Variants in BMP8A observed in about 807,000 individuals in gnomAD.
BMP8A encodes the protein bone morphogenetic protein 8a, also known as BMP-8A.
Under a neutral mutation model 36.8 loss-of-function variants are expected in BMP8A, and 14 were observed. The observed-to-expected ratio is 0.38, with a 90% CI of 0.25 to 0.60. The LOEUF is 0.60. Ranked by LOEUF, BMP8A falls within the 20% of genes least tolerant of loss-of-function variation. BMP8A has a pLI of 0.63. For synonymous variants in BMP8A, 120 were observed against 237.7 expected (o/e 0.50, Z 4.55); for missense variants, 267 against 551.1 (o/e 0.48, Z 5.16).
In BMP8A at chr1:39,526,357, C is replaced by CAGAT. The variant is rs1239049733; in HGVS notation, c.*563_*566dup. On this transcript the variant is annotated 3_prime_UTR_variant, in exon 7 of 7. Coordinates refer to ENST00000331593, the MANE Select transcript of BMP8A (RefSeq NM_181809.4). ...ACTGGGGATTTTTTTTTTTTTTTTC[C>CAGAT]AGATAGAGTCTCACTCTGTCACCCA... Among the ~76,000 whole-genome samples the CAGAT allele has an allele frequency of 6.8e-6, 1 of 146,648 alleles. No homozygotes were observed. The highest frequency in any genetic ancestry group is 1.5e-5 in the Non-Finnish European group (1 of 67,024).
intron 1 of BMP8A, among the ~76,000 whole-genome samples, chr1:39,499,081 T>C (rs1362379047): frequency 1.3e-5 from 2 of 152,098 alleles, no homozygotes; most frequent in East Asian, 3.9e-4. Context: ...CCCACATGGC[T>C]CCATCCCGGC....
chr1:39,503,155 A>G (rs1239071779), intron 1 of BMP8A, among the ~76,000 whole-genome samples: 3 of 152,220 alleles, frequency 2.0e-5, no homozygotes, highest in Non-Finnish European at 4.4e-5. Context: ...GAAAATCACT[A>G]TTCCAGCCTG....
chr1:39,515,713 C>T (rs1343408970), intron 3 of BMP8A: 2 of 1,576,166 alleles, frequency 1.3e-6, no homozygotes, highest in African/African-American at 2.7e-5. Flanking sequence ...CAGAAGACAT[C>T]CACGTTCCTA....
rs1645389103 is a variant in BMP8A at position 39,515,605 on chromosome 1, G to A, written c.673+3701G>A. 4.6e-6 allele frequency: 7 copies of A among 1,533,142 alleles called. 1 individual carries two copies. Among genetic ancestry groups the A allele is most frequent in the Non-Finnish European group, 6.2e-6 (7 of 1,120,402 alleles). 95.0% of individuals were successfully genotyped at this position (1,533,142 alleles called of 1,614,324 possible). A position where few individuals can be genotyped will look rare whatever the true frequency, so the allele number is the denominator to read the frequency against. On this transcript the variant is annotated intron_variant, in intron 3 of 6. Coordinates refer to ENST00000331593, the MANE Select transcript of BMP8A (RefSeq NM_181809.4). ...CTGGTGAAAGGGTGGAAGGCCGACC[G>A]GGCAGGAAACGTGGTCTTCAGGAGA...
chr1:39,524,577 G>T lies in BMP8A; in HGVS notation c.1060-1072G>T, dbSNP rs1645463302. Among the ~76,000 whole-genome samples the T allele has an allele frequency of 6.6e-6, 1 of 152,112 alleles. No individual in the cohort carries two copies. The highest frequency in any genetic ancestry group is 6.5e-5 in the Admixed American group (1 of 15,278). On this transcript the variant is annotated intron_variant, in intron 6 of 6. Coordinates refer to ENST00000331593, the MANE Select transcript of BMP8A (RefSeq NM_181809.4). The surrounding 1 kb of genome is among the most constrained non-coding windows in gnomAD (Gnocchi z 4.0). Reference sequence around the variant, plus strand: ...GTTCAGGGCCAGCAGGGAGGAGAGGGGCTGGGTGCAGTGAAGGGGAGGAGA... The same window carrying T: ...GTTCAGGGCCAGCAGGGAGGAGAGGTGCTGGGTGCAGTGAAGGGGAGGAGA...
chr1:39,491,926 G>T lies in BMP8A; in HGVS notation c.-66G>T. 1 of 1,048,920 alleles carries T rather than the reference G, an allele frequency of 9.5e-7. No homozygotes were observed. The allele number at this position is 1,048,920 out of a possible 1,614,324, so 65.0% of individuals were successfully genotyped here. A position where few individuals can be genotyped will look rare whatever the true frequency, so the allele number is the denominator to read the frequency against. On this transcript the variant is annotated 5_prime_UTR_variant, in exon 1 of 7. Transcript: ENST00000331593. ...GAACTCAGCTCCCCGTTCGCCGTCG[G>T]GGCGTCCCCGGGCCCAGGGGCGGCG...
At chr1:39,500,921 T>C (rs1211612587) in intron 1 of BMP8A, among the ~76,000 whole-genome samples, 1 of 152,192 alleles carries the variant, frequency 6.6e-6, no homozygotes, top group Non-Finnish European at 1.5e-5. Flanking sequence ...GCCAAAGTGC[T>C]GGGATTACAG....
At chr1:39,509,036 ACAGAG>A (rs1309690320) in intron 1 of BMP8A, among the ~76,000 whole-genome samples, 1 of 152,198 alleles carries the variant, frequency 6.6e-6, no homozygotes, top group African/African-American at 2.4e-5. Flanking sequence ...GGGCGTCCCC[ACAGAG>A]CTGATGGGTT....
chr1:39,517,487 TG>T (rs1326791165), intron 3 of BMP8A, among the ~76,000 whole-genome samples: 2 of 151,884 alleles, frequency 1.3e-5, no homozygotes, highest in African/African-American at 4.8e-5. Flanking sequence ...AGCTAATTTT[TG>T]TATATATATT....
intron 1 of BMP8A, among the ~76,000 whole-genome samples, chr1:39,510,952 G>T (rs182847445): frequency 6.6e-5 from 10 of 152,300 alleles, no homozygotes; most frequent in Non-Finnish European, 1.2e-4. Context: ...CAGGTGCAGG[G>T]CTCAGGGTGA....
At chr1:39,507,494 A>T (rs184451779) in intron 1 of BMP8A, among the ~76,000 whole-genome samples, 6 of 152,330 alleles carry the variant, frequency 3.9e-5, no homozygotes, top group Admixed American at 2.0e-4. Context: ...TCCCAGCATC[A>T]GACGGAGGTG....
At chr1:39,505,985 C>T (rs75695943) in intron 1 of BMP8A, among the ~76,000 whole-genome samples, 1 of 93,914 alleles carries the variant, frequency 1.1e-5, no homozygotes, top group African/African-American at 4.7e-5. Flanking sequence ...GACCCTGTCT[C>T]CAAAAAAAAA....
intron 1 of BMP8A, among the ~76,000 whole-genome samples, chr1:39,510,969 C>T (rs1420630372): frequency 6.6e-6 from 1 of 152,200 alleles, no homozygotes; most frequent in Non-Finnish European, 1.5e-5. Context: ...GTGAGCCTGG[C>T]TGCAGGGCCT....
At chr1:39,493,004 C>G (rs1162497345) in intron 1 of BMP8A, among the ~76,000 whole-genome samples, 2 of 152,212 alleles carry the variant, frequency 1.3e-5, no homozygotes, top group South Asian at 4.1e-4. Flanking sequence ...CCGGGCTTTT[C>G]CTGTCTGCAA....
At chr1:39,506,597 T>C (rs1177977066) in intron 1 of BMP8A, among the ~76,000 whole-genome samples, 1 of 152,234 alleles carries the variant, frequency 6.6e-6, no homozygotes, top group Non-Finnish European at 1.5e-5. Flanking sequence ...GGGAAGTCTC[T>C]GCACTGTTCA....
rs1645481874 is a variant in BMP8A at position 39,526,208 on chromosome 1, C to A, written c.*410C>A. 6.6e-6 allele frequency among the ~76,000 whole-genome samples: 1 copy of A among 152,174 alleles called. No homozygotes were observed. The highest frequency in any genetic ancestry group is 1.5e-5 in the Non-Finnish European group (1 of 68,032). Reference sequence around the variant, plus strand: ...GCCTCTTCCCAGGTACAACACTGGCCATTTCTGGGCAAAATTGGACACGCT... The same window carrying A: ...GCCTCTTCCCAGGTACAACACTGGCAATTTCTGGGCAAAATTGGACACGCT... On this transcript the variant is annotated 3_prime_UTR_variant, in exon 7 of 7. Coordinates refer to ENST00000331593, the MANE Select transcript of BMP8A (RefSeq NM_181809.4).
In BMP8A at chr1:39,524,018, A is replaced by T. The variant is rs1327434897; in HGVS notation, c.1059+901A>T. 6.5e-6 allele frequency: 1 copy of T among 154,634 alleles called. No homozygotes were observed. The highest frequency in any genetic ancestry group is 6.5e-5 in the Admixed American group (1 of 15,296). The allele number at this position is 154,634 out of a possible 1,614,324, so 9.6% of individuals were successfully genotyped here. A position where few individuals can be genotyped will look rare whatever the true frequency, so the allele number is the denominator to read the frequency against. On this transcript the variant is annotated intron_variant, in intron 6 of 6. Transcript: ENST00000331593. The surrounding 1 kb of genome is among the most constrained non-coding windows in gnomAD (Gnocchi z 4.0). ...CACACACACACACACACGTGCGCACACAATGCCTTGGTGTGAGAGGAAAGA... is the reference window on the plus strand; with the variant it reads ...CACACACACACACACACGTGCGCACTCAATGCCTTGGTGTGAGAGGAAAGA...
chr1:39,515,735 G>C, intron 3 of BMP8A: 1 of 1,576,644 alleles, frequency 6.3e-7, no homozygotes, highest in African/African-American at 1.3e-5. Flanking sequence ...CATTTATGTA[G>C]GTCGCGTGAT....
At chr1:39,497,851 C>T (rs1570274688) in intron 1 of BMP8A, among the ~76,000 whole-genome samples, 2 of 152,174 alleles carry the variant, frequency 1.3e-5, no homozygotes, top group Admixed American at 6.5e-5. Context: ...AGAGTGGGGC[C>T]GGCCCTCCCT....
Sources: gnomAD v4.1 joint callset for allele counts (sites outside exome capture counted in the v4.1 genomes callset) on GRCh38, gnomAD v4.1.1 for gene constraint, Gnocchi (gnomAD v3.1) non-coding constraint, MANE v1.5 for transcripts, NCBI Gene and HGNC (gene_info 2026-07-23, HGNC 2026-07-21) for gene names.